The following KCND2 variants were observed in gnomAD, a reference collection of about 807,000 sequenced individuals.
KCND2 encodes potassium voltage-gated channel subfamily D member 2, also known as A-type voltage-gated potassium channel KCND2.
Under a neutral mutation model 54.4 loss-of-function variants are expected in KCND2, and 16 were observed. The ratio of observed to expected loss-of-function variants is 0.29; its 90% CI spans 0.20 to 0.45. KCND2 has a LOEUF of 0.45. Ranked by LOEUF, KCND2 falls within the 20% of genes least tolerant of loss-of-function variation. The pLI is 1.00. For synonymous variants in KCND2, 317 were observed against 310.7 expected, an observed-to-expected ratio of 1.02 and a Z score of -0.21; for missense variants, 486 against 824.2, an observed-to-expected ratio of 0.59 and a Z score of 5.02.
intron 1 of KCND2, among the ~76,000 whole-genome samples, chr7:120,723,609 T>C (rs888262958): frequency 6.6e-6 from 1 of 152,180 alleles, no homozygotes; most frequent in Non-Finnish European, 1.5e-5. Flanking sequence ...TCCCAGCTAC[T>C]CTGGAGGCTG....
intron 1 of KCND2, among the ~76,000 whole-genome samples, chr7:120,664,308 CA>C (rs1346803881): frequency 6.6e-6 from 1 of 152,092 alleles, no homozygotes; most frequent in Non-Finnish European, 1.5e-5. Context: ...CAACCATCAG[CA>C]GCTTTGAATA....
intron 1 of KCND2, among the ~76,000 whole-genome samples, chr7:120,662,722 A>G (rs1016192999): frequency 1.3e-4 from 20 of 152,228 alleles, no homozygotes; most frequent in Non-Finnish European, 2.6e-4. Context: ...AATGTGGCTT[A>G]GGCACCAAAT....
intron 1 of KCND2, among the ~76,000 whole-genome samples, chr7:120,624,141 C>T (rs1793136296): frequency 6.6e-6 from 1 of 152,180 alleles, no homozygotes; most frequent in Admixed American, 6.5e-5. Flanking sequence ...ATACTTCTAA[C>T]TGTATATTCA....
chr7:120,356,161 C>T (rs1432617599), intron 1 of KCND2, among the ~76,000 whole-genome samples: 3 of 151,842 alleles, frequency 2.0e-5, no homozygotes, highest in African/African-American at 4.8e-5. Context: ...TGAGGGAGGG[C>T]ACCTAATTTT....
chr7:120,716,515 A>G (rs1792605054), intron 1 of KCND2, among the ~76,000 whole-genome samples: 1 of 152,150 alleles, frequency 6.6e-6, no homozygotes, highest in South Asian at 2.1e-4. Flanking sequence ...AGATCAATAC[A>G]GGGTCTCTAA....
intron 1 of KCND2, among the ~76,000 whole-genome samples, chr7:120,621,276 CAAAAAAAAAAAA>C (rs1175736454): frequency 1.3e-4 from 6 of 47,204 alleles, no homozygotes; most frequent in Non-Finnish European, 2.2e-4. Flanking sequence ...GACTCCGTCT[CAAAAAAAAAAAA>C]AAAAAAAAAA....
At chr7:120,482,651 A>G (rs895845831) in intron 1 of KCND2, among the ~76,000 whole-genome samples, 1 of 152,150 alleles carries the variant, frequency 6.6e-6, no homozygotes, top group Non-Finnish European at 1.5e-5. Context: ...GAGAGCTCTC[A>G]TGCGCTTGCT....
chr7:120,367,009 G>A (rs1171041431), intron 1 of KCND2, among the ~76,000 whole-genome samples: 1 of 152,070 alleles, frequency 6.6e-6, no homozygotes, highest in East Asian at 1.9e-4. Context: ...AAAATTTGGT[G>A]TGTAACCACA....
chr7:120,510,906 A>G (rs10234674), intron 1 of KCND2, among the ~76,000 whole-genome samples: 12,613 of 151,168 alleles, frequency 0.083, 629 homozygotes, highest in African/African-American at 0.15. Flanking sequence ...TCCAAAGCCA[A>G]TCCAATACCC....
intron 1 of KCND2, among the ~76,000 whole-genome samples, chr7:120,694,480 C>A (rs1052998204): frequency 6.6e-6 from 1 of 152,056 alleles, no homozygotes; most frequent in South Asian, 2.1e-4. Context: ...GTTGGAGGAC[C>A]GGCATCTCTT....
intron 1 of KCND2, among the ~76,000 whole-genome samples, chr7:120,365,437 G>C (rs1175326114): frequency 6.6e-6 from 1 of 152,052 alleles, no homozygotes. Context: ...AACTAAGAAG[G>C]CTGTAAGGCC....
At chr7:120,394,587 A>G (rs536456078) in intron 1 of KCND2, among the ~76,000 whole-genome samples, 6 of 152,090 alleles carry the variant, frequency 3.9e-5, no homozygotes, top group Admixed American at 6.6e-5. Flanking sequence ...TTAGTTTTAC[A>G]AAGCAGTTTC....
At chr7:120,685,342 G>A (rs758922903) in intron 1 of KCND2, among the ~76,000 whole-genome samples, 2 of 152,128 alleles carry the variant, frequency 1.3e-5, no homozygotes, top group East Asian at 1.9e-4. Context: ...ATTCTTCAGC[G>A]TCATTAGAAT....
At chr7:120,549,531 C>T (rs915070937) in intron 1 of KCND2, among the ~76,000 whole-genome samples, 3 of 152,162 alleles carry the variant, frequency 2.0e-5, no homozygotes, top group African/African-American at 7.2e-5. Context: ...TATTACTTAA[C>T]TGACATGTTG....
intron 1 of KCND2, among the ~76,000 whole-genome samples, chr7:120,431,823 C>G (rs1481555911): frequency 6.6e-6 from 1 of 152,114 alleles, no homozygotes; most frequent in African/African-American, 2.4e-5. Context: ...TGCTGTCCCT[C>G]TCTTTTCTCT....
chr7:120,283,283 A>T (rs1223525123), intron 1 of KCND2, among the ~76,000 whole-genome samples: 1 of 152,182 alleles, frequency 6.6e-6, no homozygotes, highest in Non-Finnish European at 1.5e-5. Context: ...ACTATGTAGG[A>T]TATGATAGAC....
chr7:120,694,830 C>A (rs1792314946), intron 1 of KCND2, among the ~76,000 whole-genome samples: 1 of 152,138 alleles, frequency 6.6e-6, no homozygotes, highest in Non-Finnish European at 1.5e-5. Flanking sequence ...CCAATCCAGC[C>A]ATGTTTTATT....
intron 1 of KCND2, among the ~76,000 whole-genome samples, chr7:120,486,785 C>CTA (rs1314134455): frequency 6.6e-6 from 1 of 151,578 alleles, no homozygotes; most frequent in Non-Finnish European, 1.5e-5. Flanking sequence ...ATACTACTAC[C>CTA]TACCAAAGCT....
intron 1 of KCND2, among the ~76,000 whole-genome samples, chr7:120,622,664 TACACAC>T (rs138167439): frequency 5.2e-5 from 7 of 134,894 alleles, no homozygotes; most frequent in East Asian, 2.0e-4. Context: ...TCCTTTTCCT[TACACAC>T]ACACACACAC....
Sources: allele counts gnomAD v4.1 joint callset (sites outside exome capture counted in the v4.1 genomes callset), GRCh38; gene constraint gnomAD v4.1.1; transcripts MANE v1.5; gene names NCBI Gene and HGNC (gene_info 2026-07-23, HGNC 2026-07-21).